The following CSMD1 variants were observed in gnomAD, a reference collection of about 807,000 sequenced individuals.
CSMD1 encodes the protein CUB and sushi domain-containing protein 1.
Under a neutral mutation model 417.5 loss-of-function variants are expected in CSMD1, and 213 were observed. The observed-to-expected ratio is 0.51, with a 90% CI of 0.46 to 0.57. The LOEUF is 0.57. CSMD1 is among the 20% of genes least tolerant of loss of function. CSMD1 has a pLI of 0.00. For synonymous variants in CSMD1, 2,862 were observed against 1,736.8 expected, an observed-to-expected ratio of 1.65 and a Z score of -16.11; for missense variants, 6,923 against 4,529.7, an observed-to-expected ratio of 1.53 and a Z score of -15.17.
chr8:4,114,870 A>T (rs963066407), intron 3 of CSMD1, among the ~76,000 whole-genome samples: 1 of 152,208 alleles, frequency 6.6e-6, no homozygotes, highest in Non-Finnish European at 1.5e-5. Flanking sequence ...CTCATGATAA[A>T]ACTTAACAGA....
intron 29 of CSMD1, among the ~76,000 whole-genome samples, chr8:3,217,009 C>A (rs1261153729): frequency 1.3e-5 from 2 of 152,178 alleles, no homozygotes; most frequent in African/African-American, 4.8e-5. Context: ...GATGCAATGG[C>A]ATCATTTCTC....
chr8:4,197,862 G>C (rs774009067), intron 3 of CSMD1, among the ~76,000 whole-genome samples: 3 of 152,120 alleles, frequency 2.0e-5, no homozygotes, highest in South Asian at 2.1e-4. Flanking sequence ...CTGGGCAACA[G>C]AGTAAGACTC....
chr8:4,823,504 C>A (rs896727360), intron 1 of CSMD1, among the ~76,000 whole-genome samples: 1 of 152,016 alleles, frequency 6.6e-6, no homozygotes, highest in Non-Finnish European at 1.5e-5. Context: ...CATATAAACT[C>A]ACTTGCAATG....
At chr8:4,040,420 G>C (rs546242176) in intron 3 of CSMD1, among the ~76,000 whole-genome samples, 4 of 152,274 alleles carry the variant, frequency 2.6e-5, no homozygotes, top group African/African-American at 9.6e-5. Flanking sequence ...TTCCAGGACA[G>C]GTAACTGTTA....
At chr8:3,493,856 TGC>T in intron 10 of CSMD1, 130 bp from the exon 11 acceptor site, 1 of 610,220 alleles carries the variant, frequency 1.6e-6, no homozygotes, top group East Asian at 2.9e-5. Context: ...ATCCCAGAGC[TGC>T]TTTAAGTAGT....
At chr8:4,623,331 A>T (rs1465025944) in intron 2 of CSMD1, among the ~76,000 whole-genome samples, 1 of 152,176 alleles carries the variant, frequency 6.6e-6, no homozygotes, top group Admixed American at 6.6e-5. Context: ...AAAAAGGCTG[A>T]GTACACTAAA....
chr8:3,038,244 G>T (rs1315689640), intron 50 of CSMD1, among the ~76,000 whole-genome samples: 2 of 152,114 alleles, frequency 1.3e-5, no homozygotes, highest in African/African-American at 4.8e-5. Context: ...CAGCAAATAG[G>T]CCTTTGAAGT....
intron 65 of CSMD1, among the ~76,000 whole-genome samples, chr8:2,952,682 TA>T (rs199781430): frequency 2.1e-5 from 3 of 144,888 alleles, no homozygotes; most frequent in South Asian, 2.3e-4. Context: ...TTAAAGTACA[TA>T]AAAAATATCT....
intron 56 of CSMD1, 151 bp downstream of exon 56, chr8:2,974,300 G>A (rs1294515932): frequency 1.9e-5 from 12 of 639,666 alleles, no homozygotes; most frequent in South Asian, 8.1e-5. Context: ...CTATAAGAGC[G>A]GCGTATTTGG....
intron 51 of CSMD1, among the ~76,000 whole-genome samples, chr8:3,024,783 A>C (rs73181706): frequency 0.11 from 16,013 of 152,222 alleles, 854 homozygotes; most frequent in Non-Finnish European, 0.11. Context: ...CAAGTAAATA[A>C]AATCAAGAAT....
intron 5 of CSMD1, among the ~76,000 whole-genome samples, chr8:3,797,901 TC>T (rs1372850663): frequency 1.3e-5 from 2 of 152,058 alleles, no homozygotes; most frequent in Non-Finnish European, 1.5e-5. Flanking sequence ...TTGTTACGCA[TC>T]CCTGTCAACA....
At chr8:3,658,696 A>T (rs2469382) in intron 7 of CSMD1, among the ~76,000 whole-genome samples, 102,420 of 151,624 alleles carry the variant, frequency 0.68, 35,380 homozygotes, top group Non-Finnish European at 0.75. Flanking sequence ...GGCAGGGGAA[A>T]CACTTGAACG....
At chr8:4,197,075 G>A (rs965578895) in intron 3 of CSMD1, among the ~76,000 whole-genome samples, 4 of 152,034 alleles carry the variant, frequency 2.6e-5, no homozygotes, top group Non-Finnish European at 5.9e-5. Flanking sequence ...TGTGTTCTAT[G>A]GGAAATGAAA....
intron 49 of CSMD1, among the ~76,000 whole-genome samples, chr8:3,080,638 T>C (rs1210507303): frequency 6.6e-6 from 1 of 152,178 alleles, no homozygotes; most frequent in East Asian, 1.9e-4. Flanking sequence ...AACCCCACAA[T>C]TCGGGATGGG....
At chr8:4,848,726 T>G (rs753991917) in intron 1 of CSMD1, among the ~76,000 whole-genome samples, 1 of 152,100 alleles carries the variant, frequency 6.6e-6, no homozygotes, top group Non-Finnish European at 1.5e-5. Flanking sequence ...ATTTTTATAG[T>G]AGGGACTGGG....
chr8:3,900,674 G>A (rs1047166659), intron 5 of CSMD1, among the ~76,000 whole-genome samples: 2 of 152,022 alleles, frequency 1.3e-5, no homozygotes, highest in Non-Finnish European at 2.9e-5. Context: ...GTGTAGCTAG[G>A]TGACAGTGTA....
chr8:4,014,834 G>T (rs1796445420), intron 4 of CSMD1, among the ~76,000 whole-genome samples: 1 of 152,122 alleles, frequency 6.6e-6, no homozygotes, highest in Non-Finnish European at 1.5e-5. Flanking sequence ...CATGGTATCT[G>T]CATGGAATAA....
intron 1 of CSMD1, among the ~76,000 whole-genome samples, chr8:4,801,695 A>G (rs1442406594): frequency 6.6e-6 from 1 of 152,134 alleles, no homozygotes; most frequent in African/African-American, 2.4e-5. Context: ...GTCCTTCTAC[A>G]CAAGGCAGCC....
chr8:4,845,832 C>T (rs1176036887), intron 1 of CSMD1, among the ~76,000 whole-genome samples: 3 of 152,204 alleles, frequency 2.0e-5, no homozygotes, highest in African/African-American at 7.2e-5. Context: ...CAGAAATTTA[C>T]ATACGATTTG....
Sources: allele counts gnomAD v4.1 joint callset (sites outside exome capture counted in the v4.1 genomes callset), GRCh38; gene constraint gnomAD v4.1.1; transcripts MANE v1.5; gene names NCBI Gene and HGNC (gene_info 2026-07-23, HGNC 2026-07-21).